WSB2: variants seen among roughly 807,000 people sequenced by gnomAD.
WSB2 encodes WD repeat and SOCS box containing 2.
Under a neutral mutation model 48.8 loss-of-function variants are expected in WSB2, and 12 were observed. The observed-to-expected ratio is 0.25, with a 90% CI of 0.16 to 0.40. The LOEUF is 0.40. Among genes scored for constraint, WSB2 ranks in the 10% least tolerant of loss-of-function variants. The pLI is 1.00. For missense variants in WSB2, 317 were observed against 506.2 expected, an observed-to-expected ratio of 0.63 and a Z score of 3.59; for synonymous variants, 191 against 203.1, an observed-to-expected ratio of 0.94 and a Z score of 0.51.
In WSB2 at chr12:118,035,297, A is replaced by T. The variant is rs2031484463; in HGVS notation, c.861T>A (p.Asp287Glu). ...GTGAGCTAATGTGGACGTCACTGTCATCCATGGCGGGGTCAACCTGGGTGT... is the reference window on the plus strand; with the variant it reads ...GTGAGCTAATGTGGACGTCACTGTCTTCCATGGCGGGGTCAACCTGGGTGT... ...LHHTQVDPAM[D>E]DSDVHISSLR... The change falls in exon 7 of 9, where the codon GAT (aspartate) becomes GAA (glutamate). Residue 287 changes from aspartate to glutamate, a missense_variant. By Grantham distance (45) the Asp-to-Glu change is conservative. This residue lies in a region of WSB2 where 189 missense variants were observed against 349.6 expected (regional missense o/e 0.54). Transcript: ENST00000315436. 2 of 1,614,098 alleles carry T rather than the reference A, an allele frequency of 1.2e-6. No homozygotes were observed. The highest frequency in any genetic ancestry group is 1.3e-5 in the African/African-American group (1 of 74,952).
chr12:118,042,573 A>T, intron 4 of WSB2: 1 of 395,064 alleles, frequency 2.5e-6, no homozygotes, highest in Non-Finnish European at 4.5e-6. Context: ...TGCATTCAGC[A>T]CATAAGTAGA....
intron 6 of WSB2, 61 bp from the exon 7 acceptor site, chr12:118,035,385 A>G (rs2068974430): frequency 1.3e-6 from 2 of 1,500,458 alleles, no homozygotes; most frequent in Non-Finnish European, 1.9e-6. Context: ...ACCCTCCATC[A>G]TCACCCTAGG....
At position 118,044,208 on chromosome 12, in the gene WSB2, G is replaced by A. The variant is rs143663620; in HGVS notation, c.183-831C>T. Among the ~76,000 whole-genome samples the A allele has an allele frequency of 4.6e-3, 704 of 152,292 alleles. 4 individuals carry two copies. The highest frequency in any genetic ancestry group is 0.01 in the African/African-American group (432 of 41,570). On this transcript the variant is annotated intron_variant, in intron 2 of 8. Coordinates refer to ENST00000315436, the MANE Select transcript of WSB2 (RefSeq NM_018639.5). ...GCCCTGCAATGGGGTGACCTGCCTTGTGGGATAACTAAATAACAGATGCTC... is the reference window on the plus strand; with the variant it reads ...GCCCTGCAATGGGGTGACCTGCCTTATGGGATAACTAAATAACAGATGCTC...
intron 4 of WSB2, among the ~76,000 whole-genome samples, chr12:118,040,654 C>CAA (rs781738117): frequency 3.8e-4 from 46 of 120,014 alleles, no homozygotes; most frequent in East Asian, 2.2e-3. Flanking sequence ...GGCTCTGTCT[C>CAA]AAAAAAAAAA....
chr12:118,061,167 C>T lies in WSB2; in HGVS notation c.-119G>A. 3.1e-6 allele frequency: 3 copies of T among 983,346 alleles called. No individual in the cohort carries two copies. Among genetic ancestry groups the T allele is most frequent in the Non-Finnish European group, 3.6e-6 (3 of 828,964 alleles). The allele number at this position is 983,346 out of a possible 1,614,324, so 60.9% of individuals were successfully genotyped here. The stretch of plus-strand genomic sequence containing the variant: ...AGGCCGCCGCCGCCGCCCGGAGAGG[C>T]CATCAGCTGCTTCCCGTCACATGGC... On this transcript the variant is annotated 5_prime_UTR_variant, in exon 1 of 9. Transcript: ENST00000315436.
chr12:118,061,650 A>G (rs1461223689), upstream of WSB2, among the ~76,000 whole-genome samples: 1 of 149,002 alleles, frequency 6.7e-6, no homozygotes, highest in Non-Finnish European at 1.5e-5. Context: ...ATCCGGGGAG[A>G]ACGGAGAGAG....
chr12:118,059,001 G>A (rs930797176), intron 1 of WSB2, among the ~76,000 whole-genome samples: 1 of 152,074 alleles, frequency 6.6e-6, no homozygotes, highest in Non-Finnish European at 1.5e-5. Flanking sequence ...GCATTTGGTT[G>A]ATATTTTCTT....
At chr12:118,043,007 G>C in intron 3 of WSB2, 35 bp from the exon 4 acceptor site, 2 of 1,613,944 alleles carry the variant, frequency 1.2e-6, no homozygotes, top group Non-Finnish European at 1.7e-6. Context: ...GTCAGCCAGA[G>C]AGGGGGCACG....
intron 1 of WSB2, among the ~76,000 whole-genome samples, chr12:118,054,217 C>CAAAAAAAAAAAAA (rs61421772): frequency 2.1e-4 from 12 of 56,040 alleles, no homozygotes; most frequent in African/African-American, 2.8e-4. Flanking sequence ...ACTAAAAATC[C>CAAAAAAAAAAAAA]AAAAAAAAAA....
chr12:118,051,400 C>T (rs186192951), intron 2 of WSB2, among the ~76,000 whole-genome samples: 5 of 152,192 alleles, frequency 3.3e-5, no homozygotes, highest in Non-Finnish European at 4.4e-5. Flanking sequence ...GATAAATGTA[C>T]GAACAAAATT....
At chr12:118,038,055 A>G in intron 5 of WSB2, 1 of 394,596 alleles carries the variant, frequency 2.5e-6, no homozygotes, top group Non-Finnish European at 4.5e-6. Flanking sequence ...CCATTTTATA[A>G]AGGGAAACAG....
At chr12:118,042,375 C>T (rs1286590434) in intron 4 of WSB2, 6 of 160,530 alleles carry the variant, frequency 3.7e-5, no homozygotes, top group Non-Finnish European at 8.2e-5. Flanking sequence ...GCACGCTGCT[C>T]AGTGTCTTAG....
At chr12:118,046,326 G>A (rs1439434822) in intron 2 of WSB2, among the ~76,000 whole-genome samples, 1 of 152,006 alleles carries the variant, frequency 6.6e-6, no homozygotes, top group Non-Finnish European at 1.5e-5. Context: ...AGCCAGGCCT[G>A]GTGGGGGGTG....
At chr12:118,046,229 G>A (rs762272087) in intron 2 of WSB2, among the ~76,000 whole-genome samples, 2 of 152,146 alleles carry the variant, frequency 1.3e-5, no homozygotes, top group Non-Finnish European at 2.9e-5. Context: ...GGGAGGCTGA[G>A]GCGGGCGGAT....
At chr12:118,058,481 T>G (rs577694104) in intron 1 of WSB2, among the ~76,000 whole-genome samples, 85 of 152,010 alleles carry the variant, frequency 5.6e-4, no homozygotes, top group South Asian at 2.5e-3. Flanking sequence ...CCCCAGTAGC[T>G]GGGACTACAG....
At chr12:118,041,243 G>C (rs1402010927) in intron 4 of WSB2, among the ~76,000 whole-genome samples, 4 of 152,134 alleles carry the variant, frequency 2.6e-5, no homozygotes, top group Non-Finnish European at 5.9e-5. Context: ...AATAGGTCAT[G>C]AGGGTGAAGC....
At chr12:118,034,825 C>T (rs778720443) in intron 8 of WSB2, 161 bp downstream of exon 8, 4 of 656,152 alleles carry the variant, frequency 6.1e-6, no homozygotes, top group Non-Finnish European at 1.0e-5. Flanking sequence ...AAATGGGACA[C>T]CGTTATTAGC....
At position 118,033,053 on chromosome 12, in the gene WSB2, C is replaced by T. The variant is rs1340036050; in HGVS notation, c.*1143G>A. On this transcript the variant is annotated 3_prime_UTR_variant, in exon 9 of 9. Coordinates refer to ENST00000315436, the MANE Select transcript of WSB2 (RefSeq NM_018639.5). The stretch of plus-strand genomic sequence containing the variant: ...ACGTTACACTGGCCTCCATAAAGCA[C>T]CGATTAAGAAAGCTAAAGAATAAGA... 1 of 152,018 alleles carries T rather than the reference C, an allele frequency of 6.6e-6. No homozygotes were observed. 9.4% of individuals were successfully genotyped at this position (152,018 alleles called of 1,614,324 possible). A position where few individuals can be genotyped will look rare whatever the true frequency, so the allele number is the denominator to read the frequency against.
chr12:118,061,222 G>GGGGCGCA (rs2032060142), upstream of WSB2: 1 of 983,040 alleles, frequency 1.0e-6, no homozygotes, highest in Non-Finnish European at 1.2e-6. Flanking sequence ...GCGCGGGGGC[G>GGGGCGCA]GGGCGCAGGG....
Sources: allele counts gnomAD v4.1 joint callset (sites outside exome capture counted in the v4.1 genomes callset), GRCh38; gene constraint gnomAD v4.1.1; regional missense constraint gnomAD v4.1.1; transcripts MANE v1.5; gene names NCBI Gene and HGNC (gene_info 2026-07-23, HGNC 2026-07-21).